The following TYW1B variants were observed in gnomAD, a reference collection of about 807,000 sequenced individuals.
TYW1B encodes the protein S-adenosyl-L-methionine-dependent tRNA 4-demethylwyosine synthase TYW1B.
A neutral mutation model predicts 86.9 loss-of-function variants in TYW1B; 73 were observed. The observed-to-expected ratio is 0.84, with a 90% CI of 0.70 to 1.02. TYW1B has a LOEUF of 1.02. Among genes scored for constraint, TYW1B ranks in the 50% least tolerant of loss-of-function variants. TYW1B has a pLI of 0.00. For missense variants in TYW1B, 637 were observed against 827.4 expected (o/e 0.77, Z 2.82); for synonymous variants, 248 against 292.8 (o/e 0.85, Z 1.56).
intron 11 of TYW1B, among the ~76,000 whole-genome samples, chr7:72,685,278 C>T (rs1262194265): frequency 1.3e-5 from 2 of 150,790 alleles, no homozygotes; most frequent in Admixed American, 6.6e-5. Flanking sequence ...GATTAATATG[C>T]TAAGAAAGGA....
chr7:72,610,330 G>T (rs770302742), intron 13 of TYW1B, among the ~76,000 whole-genome samples: 5 of 152,004 alleles, frequency 3.3e-5, no homozygotes, highest in Non-Finnish European at 5.9e-5. Context: ...ATCTTTGCTG[G>T]AATTTCTTCC....
chr7:72,630,456 C>T (rs1187552144), intron 11 of TYW1B, among the ~76,000 whole-genome samples: 1 of 151,600 alleles, frequency 6.6e-6, no homozygotes, highest in East Asian at 1.9e-4. Flanking sequence ...AACACTCAGG[C>T]TGCCAACCCT....
intron 5 of TYW1B, among the ~76,000 whole-genome samples, chr7:72,806,069 T>C (rs868963657): frequency 5.3e-5 from 8 of 151,994 alleles, no homozygotes; most frequent in East Asian, 1.9e-4. Flanking sequence ...AATGGAGTCA[T>C]TGAAGTCAGG....
chr7:72,681,591 CTTTTTTTTTTTT>C (rs71069098), intron 11 of TYW1B, among the ~76,000 whole-genome samples: 1 of 111,026 alleles, frequency 9.0e-6, no homozygotes, highest in African/African-American at 3.4e-5. Context: ...ATATTTACTT[CTTTTTTTTTTTT>C]TTTTTTTTTG....
intron 11 of TYW1B, among the ~76,000 whole-genome samples, chr7:72,684,193 T>C (rs1220532689): frequency 6.6e-6 from 1 of 152,132 alleles, no homozygotes; most frequent in Non-Finnish European, 1.5e-5. Flanking sequence ...GATTTCCCCA[T>C]GTTAATGTCA....
chr7:72,721,902 A>T (rs1554457620), intron 9 of TYW1B, among the ~76,000 whole-genome samples: 1 of 152,148 alleles, frequency 6.6e-6, no homozygotes, highest in Non-Finnish European at 1.5e-5. Context: ...AGATCCTAAA[A>T]TTTTCATTCT....
intron 1 of TYW1B, 34 bp downstream of exon 1, chr7:72,828,038 C>A (rs1554481787): frequency 6.2e-7 from 1 of 1,613,378 alleles, no homozygotes; most frequent in East Asian, 2.2e-5. Flanking sequence ...CCTCCCCTGC[C>A]GCCCCAGGGT....
At chr7:72,603,120 GGATGGATGGATGGATA>G (rs1390885031) in intron 13 of TYW1B, among the ~76,000 whole-genome samples, 2 of 138,288 alleles carry the variant, frequency 1.4e-5, no homozygotes, top group African/African-American at 2.5e-5. Flanking sequence ...ATGGATGGAT[GGATGGATGGATGGATA>G]GATGGATGGA....
At chr7:72,627,139 G>A (rs1358462120) in intron 12 of TYW1B, among the ~76,000 whole-genome samples, 3 of 151,844 alleles carry the variant, frequency 2.0e-5, no homozygotes, top group African/African-American at 4.8e-5. Flanking sequence ...TACCATTTAC[G>A]TATCAGTTTT....
At chr7:72,746,796 G>A (rs1383494212) in intron 7 of TYW1B, among the ~76,000 whole-genome samples, 1 of 152,110 alleles carries the variant, frequency 6.6e-6, no homozygotes, top group East Asian at 1.9e-4. Context: ...GCTTCCCAGA[G>A]GTGTGCGGTC....
intron 6 of TYW1B, among the ~76,000 whole-genome samples, chr7:72,789,550 A>G (rs1788184636): frequency 6.6e-6 from 1 of 152,212 alleles, no homozygotes; most frequent in South Asian, 2.1e-4. Flanking sequence ...AGTAAGTAAC[A>G]AAATGCTAAA....
intron 11 of TYW1B, among the ~76,000 whole-genome samples, chr7:72,664,677 TA>T (rs1209847849): frequency 6.6e-6 from 1 of 152,076 alleles, no homozygotes; most frequent in African/African-American, 2.4e-5. Flanking sequence ...GATGATGAGA[TA>T]ATCTGTACAA....
At chr7:72,651,933 TAA>T (rs1381999589) in intron 11 of TYW1B, among the ~76,000 whole-genome samples, 1 of 152,160 alleles carries the variant, frequency 6.6e-6, no homozygotes, top group Non-Finnish European at 1.5e-5. Context: ...ACTAATTAAT[TAA>T]GAGATAGGGT....
At chr7:72,814,738 A>T (rs1216309301) in intron 3 of TYW1B, among the ~76,000 whole-genome samples, 1 of 151,928 alleles carries the variant, frequency 6.6e-6, no homozygotes, top group African/African-American at 2.4e-5. Context: ...AGAGAATGAG[A>T]GCCTGTCTCA....
At chr7:72,718,255 T>A (rs1471007225) in intron 9 of TYW1B, among the ~76,000 whole-genome samples, 2 of 151,984 alleles carry the variant, frequency 1.3e-5, no homozygotes, top group African/African-American at 4.8e-5. Flanking sequence ...CACTTTTAAG[T>A]GGGAACTAAC....
At chr7:72,776,939 G>A (rs540491866) in intron 7 of TYW1B, among the ~76,000 whole-genome samples, 33 of 152,080 alleles carry the variant, frequency 2.2e-4, no homozygotes, top group African/African-American at 7.7e-4. Context: ...AAATATAGAG[G>A]GGAAGTGGGG....
In TYW1B at chr7:72,803,825, GCTGGTCTCAGA is replaced by G. The variant is rs1466451484; in HGVS notation, c.724-1314_724-1304del. ...GAGAGGGTTTCACCATGTCAGCCAGGCTGGTCTCAGACTCCTGACCTCAGGTGATCCGCCCG... is the reference window on the plus strand; with the variant it reads ...GAGAGGGTTTCACCATGTCAGCCAGGCTCCTGACCTCAGGTGATCCGCCCG... On this transcript the variant is annotated intron_variant, in intron 5 of 13. Transcript: ENST00000620995. Among the ~76,000 whole-genome samples the G allele has an allele frequency of 3.3e-5, 5 of 151,868 alleles. No homozygotes were observed. In the East Asian group the frequency reaches 5.9e-4, roughly 18 times the overall value.
chr7:72,708,961 C>G (rs1378941097), intron 10 of TYW1B, among the ~76,000 whole-genome samples: 1 of 152,120 alleles, frequency 6.6e-6, no homozygotes, highest in African/African-American at 2.4e-5. Context: ...TAATTCACAT[C>G]TTTCATTGGA....
chr7:72,656,114 G>C (rs1237629148), intron 11 of TYW1B, among the ~76,000 whole-genome samples: 2 of 152,082 alleles, frequency 1.3e-5, no homozygotes, highest in Admixed American at 1.3e-4. Context: ...CCTTACAAAT[G>C]ATTGGGCTGA....
Sources: gnomAD v4.1 joint callset for allele counts (sites outside exome capture counted in the v4.1 genomes callset) on GRCh38, gnomAD v4.1.1 for gene constraint, MANE v1.5 for transcripts, NCBI Gene and HGNC (gene_info 2026-07-23, HGNC 2026-07-21) for gene names.